UST: variants seen among roughly 807,000 people sequenced by gnomAD.
UST encodes the protein chondroitin sulfate 2-O-sulfotransferase.
A neutral mutation model predicts 45.6 loss-of-function variants in UST; 21 were observed. The observed-to-expected ratio is 0.46, with a 90% CI of 0.33 to 0.66. The LOEUF (loss-of-function observed/expected upper bound fraction) is 0.66, where lower values mean the gene tolerates loss of function less well. UST is among the 30% of genes least tolerant of loss of function. The pLI, the probability that UST is intolerant of heterozygous loss-of-function variation, is 0.02. For missense variants in UST, 463 were observed against 512.4 expected (o/e 0.90, Z 0.93); for synonymous variants, 215 against 200.6 (o/e 1.07, Z -0.61).
intron 5 of UST, among the ~76,000 whole-genome samples, chr6:149,003,836 C>T (rs568130897): frequency 1.3e-5 from 2 of 152,296 alleles, no homozygotes; most frequent in South Asian, 4.1e-4. Context: ...CAGCCCAGCA[C>T]CCCACCTGTG....
chr6:148,905,349 G>T (rs925339966), intron 2 of UST, among the ~76,000 whole-genome samples: 17 of 152,174 alleles, frequency 1.1e-4, no homozygotes, highest in Admixed American at 3.9e-4. Context: ...CTAGTGAAAG[G>T]CAGACTGGGT....
intron 7 of UST, among the ~76,000 whole-genome samples, chr6:149,072,582 G>A (rs185978562): frequency 2.2e-4 from 33 of 152,052 alleles, no homozygotes; most frequent in Middle Eastern, 3.4e-3. Context: ...GAACCCGGGA[G>A]GTAGAGGTTG....
chr6:148,877,970 G>GGGGGCTCGTGTATGAGTGT (rs1778726931), intron 1 of UST, among the ~76,000 whole-genome samples: 1 of 90,438 alleles, frequency 1.1e-5, no homozygotes, highest in African/African-American at 5.4e-5. Flanking sequence ...TGTATGAGTG[G>GGGGGCTCGTGTATGAGTGT]GGGGATCGTG....
intron 1 of UST, among the ~76,000 whole-genome samples, chr6:148,797,681 G>A (rs1031833222): frequency 3.3e-5 from 5 of 152,154 alleles, no homozygotes; most frequent in African/African-American, 4.8e-5. Flanking sequence ...TGGAATAAAC[G>A]TGAAGGTCTT....
At chr6:148,864,433 C>G (rs1408237640) in intron 1 of UST, among the ~76,000 whole-genome samples, 1 of 152,232 alleles carries the variant, frequency 6.6e-6, no homozygotes, top group African/African-American at 2.4e-5. Flanking sequence ...AAGGGAATTC[C>G]CTGACCCCTT....
intron 1 of UST, among the ~76,000 whole-genome samples, chr6:148,783,407 A>G (rs1365243697): frequency 1.3e-5 from 2 of 152,344 alleles, no homozygotes; most frequent in Middle Eastern, 3.4e-3. Context: ...GTTTTGCCAG[A>G]TAAGTCATAT....
At chr6:148,859,875 C>T (rs139766207) in intron 1 of UST, among the ~76,000 whole-genome samples, 2,047 of 152,220 alleles carry the variant, frequency 0.013, 31 homozygotes, top group Admixed American at 0.025. Flanking sequence ...GTACCAGTAC[C>T]GTGCTGTTTT....
chr6:148,935,710 C>T (rs1780011343), intron 2 of UST, among the ~76,000 whole-genome samples: 1 of 152,136 alleles, frequency 6.6e-6, no homozygotes, highest in Non-Finnish European at 1.5e-5. Flanking sequence ...ATATTTGAGG[C>T]AGCTGTCTAC....
At chr6:148,763,815 G>A (rs987859660) in intron 1 of UST, among the ~76,000 whole-genome samples, 2 of 152,108 alleles carry the variant, frequency 1.3e-5, no homozygotes, top group Non-Finnish European at 2.9e-5. Context: ...TAGGTAAGCG[G>A]CTTTATTTCT....
rs542268952 is a variant in UST at position 149,063,467 on chromosome 6, A to G, written c.938-10366A>G. 3.3e-5 allele frequency among the ~76,000 whole-genome samples: 5 copies of G among 152,306 alleles called. No homozygotes were observed. The South Asian group carries it at 1.0e-3, about 32-fold the overall frequency. ...AAAGTATTGATGAATTAAAGTAGAG[A>G]GGCAGAAAAATGTGCCTTGCCAGCA... On this transcript the variant is annotated intron_variant, in intron 7 of 7. Coordinates refer to ENST00000367463, the MANE Select transcript of UST (RefSeq NM_005715.3).
At chr6:148,766,756 T>TA (rs1274880393) in intron 1 of UST, among the ~76,000 whole-genome samples, 2 of 152,142 alleles carry the variant, frequency 1.3e-5, no homozygotes, top group East Asian at 3.8e-4. Context: ...TACAGATATG[T>TA]GTTCATTTGG....
At chr6:149,010,895 C>CAAAAA (rs1172538648) in intron 5 of UST, among the ~76,000 whole-genome samples, 6 of 65,572 alleles carry the variant, frequency 9.2e-5, no homozygotes, top group African/African-American at 1.3e-4. Context: ...CCGTCTCAAC[C>CAAAAA]AAAAAAAAAA....
chr6:148,961,163 C>T (rs1050432629), intron 4 of UST, among the ~76,000 whole-genome samples: 8 of 152,250 alleles, frequency 5.3e-5, no homozygotes, highest in Non-Finnish European at 1.2e-4. Context: ...GTGGCAGAGT[C>T]CAAAGGAAGC....
chr6:148,762,955 T>C (rs1776248662), intron 1 of UST, among the ~76,000 whole-genome samples: 1 of 152,234 alleles, frequency 6.6e-6, no homozygotes, highest in Non-Finnish European at 1.5e-5. Context: ...AATAGTGCTA[T>C]GATAAACATA....
intron 1 of UST, among the ~76,000 whole-genome samples, chr6:148,867,169 C>A (rs901359511): frequency 1.3e-5 from 2 of 152,100 alleles, no homozygotes; most frequent in Non-Finnish European, 2.9e-5. Context: ...AGAGAAAAAT[C>A]TGTGAAACCT....
intron 7 of UST, among the ~76,000 whole-genome samples, chr6:149,070,887 G>T (rs1582986519): frequency 2.0e-5 from 3 of 150,564 alleles, no homozygotes; most frequent in South Asian, 4.3e-4. Context: ...CCTGCCTCAG[G>T]CTCCCGAGTA....
intron 1 of UST, among the ~76,000 whole-genome samples, chr6:148,820,222 T>C (rs1777430284): frequency 6.6e-6 from 1 of 152,118 alleles, no homozygotes; most frequent in Non-Finnish European, 1.5e-5. Flanking sequence ...TATGGAAAAA[T>C]TGCAAGAATA....
In UST at chr6:148,914,757, G is replaced by A. The variant is rs551834521; in HGVS notation, c.292-26522G>A. On this transcript the variant is annotated intron_variant, in intron 2 of 7. Coordinates refer to ENST00000367463, the MANE Select transcript of UST (RefSeq NM_005715.3). ...CGTTACAGGCCACGGACCAGTACCA[G>A]TCCATAGCCCAGGGGTGGGGGATCC... Among the ~76,000 whole-genome samples the A allele has an allele frequency of 3.9e-5, 6 of 152,228 alleles. No individual in the cohort carries two copies. In the South Asian group the frequency reaches 1.2e-3, roughly 32 times the overall value.
chr6:149,044,782 G>T (rs757188709), intron 7 of UST, among the ~76,000 whole-genome samples: 12 of 152,172 alleles, frequency 7.9e-5, no homozygotes, highest in Non-Finnish European at 1.6e-4. Flanking sequence ...GCTTAATAAT[G>T]TGCTCAGTAG....
Sources: gnomAD v4.1 joint callset for allele counts (sites outside exome capture counted in the v4.1 genomes callset) on GRCh38, gnomAD v4.1.1 for gene constraint, MANE v1.5 for transcripts, NCBI Gene and HGNC (gene_info 2026-07-23, HGNC 2026-07-21) for gene names.